FAR2: variants seen among roughly 807,000 people sequenced by gnomAD.
The protein encoded by FAR2 is fatty acyl-CoA reductase 2.
In FAR2, 19 loss-of-function variants were observed where a neutral mutation model predicts 56.0. That is an observed-to-expected ratio of 0.34 (90% CI 0.24 to 0.50). The LOEUF (loss-of-function observed/expected upper bound fraction) is 0.50, where lower values mean the gene tolerates loss of function less well. Among genes scored for constraint, FAR2 ranks in the 20% least tolerant of loss-of-function variants. The pLI is 0.98. For missense variants in FAR2, 508 were observed against 642.2 expected (o/e 0.79, Z 2.26); for synonymous variants, 219 against 218.8 (o/e 1.00, Z -0.01).
rs970403668 is a variant in FAR2, at chr12:29,334,529, T to C, written c.*735T>C. On this transcript the variant is annotated 3_prime_UTR_variant, in exon 12 of 12. Coordinates refer to ENST00000536681, the MANE Select transcript of FAR2 (RefSeq NM_001271783.2). Reference sequence around the variant, plus strand: ...ATTCGAATTTGATAGCTATTATTTCTAAATCTTTTTAATCCTCAATTTTCC... The same window carrying C: ...ATTCGAATTTGATAGCTATTATTTCCAAATCTTTTTAATCCTCAATTTTCC... 2.0e-5 allele frequency: 3 copies of C among 152,196 alleles called. No homozygotes were observed. Among genetic ancestry groups the C allele is most frequent in the African/African-American group, 7.2e-5 (3 of 41,462 alleles). The allele number at this position is 152,196 out of a possible 1,614,324, so 9.4% of individuals were successfully genotyped here.
At chr12:29,207,319 C>A (rs1209662271) in intron 1 of FAR2, among the ~76,000 whole-genome samples, 2 of 152,132 alleles carry the variant, frequency 1.3e-5, no homozygotes, top group African/African-American at 4.8e-5. Flanking sequence ...AATACTTCAC[C>A]AGTTCCTCAT....
chr12:29,323,227 AG>A lies in FAR2; in HGVS notation c.1257+1304del, dbSNP rs537740549. Reference sequence around the variant, plus strand: ...GCACGCCCGCCATTGCTCAGGCCTGAGTAGGTAAACAAAGCGGCCTGGAAGC... The same window carrying A: ...GCACGCCCGCCATTGCTCAGGCCTGATAGGTAAACAAAGCGGCCTGGAAGC... On this transcript the variant is annotated intron_variant, in intron 10 of 11. Coordinates refer to ENST00000536681, the MANE Select transcript of FAR2 (RefSeq NM_001271783.2). Among the ~76,000 whole-genome samples, 153 of 152,340 alleles carry A rather than the reference AG, an allele frequency of 1.0e-3. 2 individuals are homozygous for A. The highest frequency in any genetic ancestry group is 3.5e-3 in the African/African-American group (146 of 41,584).
intron 1 of FAR2, among the ~76,000 whole-genome samples, chr12:29,243,744 T>G (rs1386969596): frequency 6.6e-6 from 1 of 152,168 alleles, no homozygotes; most frequent in African/African-American, 2.4e-5. Context: ...CCCATTCATT[T>G]CTCTTCTAGG....
intron 2 of FAR2, among the ~76,000 whole-genome samples, chr12:29,289,534 T>C (rs1460726410): frequency 1.3e-5 from 2 of 151,906 alleles, no homozygotes; most frequent in Non-Finnish European, 2.9e-5. Flanking sequence ...TATACAAAAA[T>C]CAAATCAAAA....
At chr12:29,330,376 G>A (rs1949714927) in intron 10 of FAR2, among the ~76,000 whole-genome samples, 2 of 152,074 alleles carry the variant, frequency 1.3e-5, no homozygotes, top group Admixed American at 6.6e-5. Context: ...TTTTTAAAAA[G>A]TTATTTCTTG....
At position 29,333,892 on chromosome 12, in the gene FAR2, A is replaced by G. The variant is rs889030383; in HGVS notation, c.*98A>G. 390 of 1,131,092 alleles carry G rather than the reference A, an allele frequency of 3.4e-4. 2 individuals carry two copies. The highest frequency in any genetic ancestry group is 6.1e-5 in the Non-Finnish European group (48 of 785,446). The allele number at this position is 1,131,092 out of a possible 1,614,324, so 70.1% of individuals were successfully genotyped here. ...TTAGAAAGTAACAAGGAATATGCCC[A>G]AACTGTCAAATGTCACCTGTTATGT... is the stretch of plus-strand genomic sequence containing the variant. On this transcript the variant is annotated 3_prime_UTR_variant, in exon 12 of 12. Transcript: ENST00000536681.
At chr12:29,283,433 G>A (rs1173945348) in intron 2 of FAR2, among the ~76,000 whole-genome samples, 2 of 152,002 alleles carry the variant, frequency 1.3e-5, no homozygotes, top group South Asian at 2.1e-4. Flanking sequence ...TTCCAAATAC[G>A]ATGAACACAT....
At chr12:29,186,755 ATTATTTATTTATTTAT>A (rs200745083) in intron 1 of FAR2, among the ~76,000 whole-genome samples, 2,219 of 46,318 alleles carry the variant, frequency 0.048, 55 homozygotes, top group Middle Eastern at 0.08. Flanking sequence ...TTCTTTATTT[ATTATTTATTTATTTAT>A]TTATTTATTT....
chr12:29,164,335 T>G (rs1405645785), intron 1 of FAR2, among the ~76,000 whole-genome samples: 1 of 152,218 alleles, frequency 6.6e-6, no homozygotes, highest in Non-Finnish European at 1.5e-5. Flanking sequence ...GCTGCCATTT[T>G]GCTTGTTTCT....
intron 4 of FAR2, among the ~76,000 whole-genome samples, chr12:29,298,064 T>G (rs1591943337): frequency 6.7e-6 from 1 of 148,548 alleles, no homozygotes. Context: ...AAAGAACTAA[T>G]GAAGAATAAG....
At chr12:29,320,744 T>C (rs1004831099) in intron 9 of FAR2, among the ~76,000 whole-genome samples, 1 of 152,214 alleles carries the variant, frequency 6.6e-6, no homozygotes, top group African/African-American at 2.4e-5. Flanking sequence ...CTTACAGCCA[T>C]ATTGTTAGGA....
At chr12:29,182,640 A>C (rs1046312725) in intron 1 of FAR2, among the ~76,000 whole-genome samples, 4 of 152,076 alleles carry the variant, frequency 2.6e-5, no homozygotes, top group South Asian at 2.1e-4. Context: ...TAAGACAATG[A>C]GTTTCTGGTT....
intron 1 of FAR2, among the ~76,000 whole-genome samples, chr12:29,203,364 T>C (rs1414399458): frequency 6.6e-6 from 1 of 152,246 alleles, no homozygotes; most frequent in Non-Finnish European, 1.5e-5. Flanking sequence ...GCTGCACACC[T>C]ACCCTCCTTT....
intron 5 of FAR2, 119 bp downstream of exon 5, chr12:29,307,954 C>G: frequency 9.0e-7 from 1 of 1,105,086 alleles, no homozygotes; most frequent in South Asian, 1.7e-5. Context: ...TGCAGCCAAT[C>G]GAATATGAAC....
chr12:29,207,091 G>C lies in FAR2; in HGVS notation c.-39+57684G>C, dbSNP rs747315189. ...AAGGCAGAAAAGTCAGGTTGCATCT[G>C]ACTCTTAAATGGTCTTGCATACCAG... On this transcript the variant is annotated intron_variant, in intron 1 of 11. Transcript: ENST00000536681. Among the ~76,000 whole-genome samples the C allele has an allele frequency of 1.8e-4, 28 of 152,142 alleles. 1 individual carries two copies. Among genetic ancestry groups the C allele is most frequent in the Non-Finnish European group, 3.5e-4 (24 of 68,022 alleles).
chr12:29,150,171 G>A (rs1949671148), intron 1 of FAR2, among the ~76,000 whole-genome samples: 1 of 152,168 alleles, frequency 6.6e-6, no homozygotes, highest in Non-Finnish European at 1.5e-5. Flanking sequence ...AACACTCCTA[G>A]CAAGTAGAAT....
At chr12:29,160,139 AGCCATTAAGTGG>A (rs953375760) in intron 1 of FAR2, among the ~76,000 whole-genome samples, 3 of 152,306 alleles carry the variant, frequency 2.0e-5, no homozygotes, top group Non-Finnish European at 4.4e-5. Context: ...CTGCTTTAGG[AGCCATTAAGTGG>A]GCCATTTTAG....
intron 1 of FAR2, among the ~76,000 whole-genome samples, chr12:29,178,225 C>T (rs1012383471): frequency 3.3e-5 from 5 of 151,812 alleles, no homozygotes; most frequent in Non-Finnish European, 7.4e-5. Flanking sequence ...ATTCCCAGTA[C>T]CACCACTATT....
chr12:29,150,330 T>C (rs1332244022), intron 1 of FAR2, among the ~76,000 whole-genome samples: 1 of 152,216 alleles, frequency 6.6e-6, no homozygotes, highest in African/African-American at 2.4e-5. Context: ...TCGCTGGATC[T>C]GCAAGAGTTT....
Sources: gnomAD v4.1 joint callset for allele counts (sites outside exome capture counted in the v4.1 genomes callset) on GRCh38, gnomAD v4.1.1 for gene constraint, MANE v1.5 for transcripts, NCBI Gene and HGNC (gene_info 2026-07-23, HGNC 2026-07-21) for gene names.